The following ITGA5 variants were observed in gnomAD, a reference collection of about 807,000 sequenced individuals.
ITGA5 encodes the protein integrin subunit alpha 5, also known as integrin alpha-5.
ITGA5 carries 55 observed loss-of-function variants against 146.3 expected under a neutral mutation model. That is an observed-to-expected ratio of 0.38 (90% CI 0.30 to 0.47). The LOEUF (loss-of-function observed/expected upper bound fraction) is 0.47, where lower values mean the gene tolerates loss of function less well. Among genes scored for constraint, ITGA5 ranks in the 20% least tolerant of loss-of-function variants. The pLI, the probability that ITGA5 is intolerant of heterozygous loss-of-function variation, is 0.99. For synonymous variants in ITGA5, 500 were observed against 531.8 expected, an observed-to-expected ratio of 0.94 and a Z score of 0.82; for missense variants, 1,131 against 1,329.0, an observed-to-expected ratio of 0.85 and a Z score of 2.32.
At chr12:54,398,812 T>A in intron 27 of ITGA5, 114 bp from the exon 28 acceptor site, 1 of 537,194 alleles carries the variant, frequency 1.9e-6, no homozygotes, top group Non-Finnish European at 3.3e-6. Context: ...TCATTCTTCC[T>A]GAGTCTCTCT....
At position 54,401,590 on chromosome 12, in the gene ITGA5, C is replaced by T; in HGVS notation, c.2382G>A (p.Leu794=). ...LSVEAQAQVT[L]NGVSKPEAVL... The stretch of plus-strand genomic sequence containing the variant: ...CCATTTTGCCTGGCACTGACCCGTT[C>T]AGGGTGACCTGGGCCTGAGCCTCCA... Residue 794 remains leucine (L), a synonymous_variant, in exon 23 of 30, where the codon CTG becomes CTA. Transcript: ENST00000293379. This position sits in a 1 kb window ranked among gnomAD's most constrained non-coding sequence, Gnocchi z 5.0. 1 of 1,614,164 alleles carries T rather than the reference C, an allele frequency of 6.2e-7. No homozygotes were observed. The highest frequency in any genetic ancestry group is 8.5e-7 in the Non-Finnish European group (1 of 1,179,980).
rs1955704633 is a variant in ITGA5, at chr12:54,396,078, ATGT to A, written c.*212_*214del. 2.7e-5 allele frequency: 14 copies of A among 521,448 alleles called. No individual in the cohort carries two copies. In the East Asian group the frequency reaches 4.7e-4, roughly 17 times the overall value. 32.3% of individuals were successfully genotyped at this position (521,448 alleles called of 1,614,324 possible). ...GAGTTCCCCCATCCATGAAGAGGGT[ATGT>A]GTAAACAAGGGTCCTTCACAGTGCA... On this transcript the variant is annotated 3_prime_UTR_variant, in exon 30 of 30. Coordinates refer to ENST00000293379, the MANE Select transcript of ITGA5 (RefSeq NM_002205.5).
intron 2 of ITGA5, among the ~76,000 whole-genome samples, chr12:54,410,725 AT>A (rs144213530): frequency 0.011 from 1,430 of 134,958 alleles, 9 homozygotes; most frequent in Non-Finnish European, 0.013. Context: ...TGCCTGGCTA[AT>A]TTTTTTTTTT....
chr12:54,397,162 CAAG>C (rs1955721374), intron 29 of ITGA5, 200 bp downstream of exon 29: 6 of 466,374 alleles, frequency 1.3e-5, no homozygotes, highest in Non-Finnish European at 2.3e-5. Context: ...CATCTTGAGT[CAAG>C]AGGACCCTTT....
chr12:54,404,237 G>C lies in ITGA5; in HGVS notation c.1473C>G (p.Pro491=), dbSNP rs745653256. The change falls in exon 15 of 30, where the codon CCC becomes CCG. Residue 491 remains proline (P), a synonymous_variant. Transcript: ENST00000293379. Reference sequence around the variant, plus strand: ...TGAGGGAGGCACTAGCGGACACGATGGGGCGGCCCCTGCCAAGAGTGAATG... The same window carrying C: ...TGAGGGAGGCACTAGCGGACACGATCGGGCGGCCCCTGCCAAGAGTGAATG... ...VDKAVVYRGR[P]IVSASASLTI... The C allele has an allele frequency of 6.2e-7, 1 of 1,600,646 alleles. No individual in the cohort carries two copies. Among genetic ancestry groups the C allele is most frequent in the Non-Finnish European group, 8.5e-7 (1 of 1,173,390 alleles).
In ITGA5 at chr12:54,402,025, G is replaced by C. The variant is rs1283645105; in HGVS notation, c.2202C>G (p.Gly734=). ...NQSRLLVCDL[G]NPMKAGASLW... ...CACTGGCTCCTGCCTTCATGGGGTT[G>C]CCCAGGTCACACACCAGCAGGCGGC... The change falls in exon 21 of 30, where the codon GGC becomes GGG. Residue 734 remains glycine (G), a synonymous_variant. Coordinates refer to ENST00000293379, the MANE Select transcript of ITGA5 (RefSeq NM_002205.5). 2.5e-6 allele frequency: 4 copies of C among 1,614,054 alleles called. No individual in the cohort carries two copies. The African/African-American group carries it at 4.0e-5, about 16-fold the overall frequency.
chr12:54,399,377 T>TA (rs1955758063), intron 27 of ITGA5, among the ~76,000 whole-genome samples: 1 of 152,206 alleles, frequency 6.6e-6, no homozygotes, highest in Admixed American at 6.5e-5. Flanking sequence ...TCTTCCATCT[T>TA]ACTGTTTTTC....
chr12:54,408,982 A>G, intron 4 of ITGA5, 28 bp from the exon 5 acceptor site: 1 of 1,607,372 alleles, frequency 6.2e-7, no homozygotes, highest in East Asian at 2.2e-5. Context: ...GGTGAAAATG[A>G]GCCCTGCATA....
chr12:54,418,879 C>T (rs1592296587), intron 1 of ITGA5, 102 bp downstream of exon 1: 1 of 1,357,450 alleles, frequency 7.4e-7, no homozygotes, highest in Non-Finnish European at 1.0e-6. Flanking sequence ...TTACAAACTC[C>T]ACCCTCAAAC....
chr12:54,419,230 G>A lies in ITGA5; in HGVS notation c.-32C>T. The A allele has an allele frequency of 6.5e-7, 1 of 1,547,286 alleles. No homozygotes were observed. Among genetic ancestry groups the A allele is most frequent in the Non-Finnish European group, 8.7e-7 (1 of 1,146,592 alleles). ...CGCTCTTCCCTGTCCTGGGGCCACC[G>A]ACCCGGAGCCGCTTCCTAAACCTCC... On this transcript the variant is annotated 5_prime_UTR_variant, in exon 1 of 30. Coordinates refer to ENST00000293379, the MANE Select transcript of ITGA5 (RefSeq NM_002205.5).
chr12:54,408,497 AG>A (rs1304656013), intron 6 of ITGA5, among the ~76,000 whole-genome samples: 4 of 151,990 alleles, frequency 2.6e-5, no homozygotes, highest in Admixed American at 6.6e-5. Flanking sequence ...AGAGGCCAAG[AG>A]GGGTGGATCA....
At position 54,411,970 on chromosome 12, in the gene ITGA5, G is replaced by C. The variant is rs762895058; in HGVS notation, c.219-6C>G. On this transcript the variant is annotated splice_polypyrimidine_tract_variant and splice_region_variant and intron_variant, in intron 1 of 29. Coordinates refer to ENST00000293379, the MANE Select transcript of ITGA5 (RefSeq NM_002205.5). ...CTCCCACCAGCACACTGACCCTGTGGGGGGGAAAAGCGAGGCAGTTGAGGA... is the reference window on the plus strand; with the variant it reads ...CTCCCACCAGCACACTGACCCTGTGCGGGGGAAAAGCGAGGCAGTTGAGGA... 7.0e-6 allele frequency: 11 copies of C among 1,563,540 alleles called. No individual in the cohort carries two copies. Among genetic ancestry groups the C allele is most frequent in the South Asian group, 3.6e-5 (3 of 84,138 alleles).
rs778175632 is a variant in ITGA5, at chr12:54,396,311, T to C, written c.3132A>G (p.Pro1044=). The C allele has an allele frequency of 3.1e-6, 5 of 1,613,938 alleles. No homozygotes were observed. In the South Asian group the frequency reaches 5.5e-5, roughly 18 times the overall value. Residue 1044 remains proline, a synonymous_variant, in exon 30 of 30, where the codon CCA becomes CCG. Transcript: ENST00000293379. ...TAMEKAQLKP[P]ATSDA ...GGAGGACTCAGGCATCAGAGGTGGC[T>C]GGAGGCTTGAGCTGAGCTTTTTCCA... is the stretch of plus-strand genomic sequence containing the variant.
chr12:54,414,715 C>T (rs747062179), intron 1 of ITGA5, among the ~76,000 whole-genome samples: 26 of 150,848 alleles, frequency 1.7e-4, no homozygotes, highest in Non-Finnish European at 1.2e-4. Context: ...GGCGTGGTGG[C>T]GGGCGCTTGT....
At position 54,403,133 on chromosome 12, in the gene ITGA5, C is replaced by T; in HGVS notation, c.1914+54G>A. On this transcript the variant is annotated intron_variant, in intron 18 of 29. Coordinates refer to ENST00000293379, the MANE Select transcript of ITGA5 (RefSeq NM_002205.5). This position sits in a 1 kb window ranked among gnomAD's most constrained non-coding sequence, Gnocchi z 4.9. ...TCTTCTCTTTCCATGGCCCTGCCCCCCCAATACCCAGGCCTCTGTCTTCCC... is the reference window on the plus strand; with the variant it reads ...TCTTCTCTTTCCATGGCCCTGCCCCTCCAATACCCAGGCCTCTGTCTTCCC... 57 of 1,596,978 alleles carry T rather than the reference C, an allele frequency of 3.6e-5. No individual in the cohort carries two copies. The highest frequency in any genetic ancestry group is 4.9e-5 in the Non-Finnish European group (57 of 1,171,698).
At chr12:54,404,539 C>T in intron 13 of ITGA5, 64 bp from the exon 14 acceptor site, 2 of 1,589,784 alleles carry the variant, frequency 1.3e-6, no homozygotes, top group African/African-American at 1.3e-5. Flanking sequence ...TCTTCCTAAC[C>T]CCTCCTGGTT....
At chr12:54,400,023 A>G in intron 25 of ITGA5, 76 bp from the exon 26 acceptor site, 1 of 972,488 alleles carries the variant, frequency 1.0e-6, no homozygotes. Context: ...GTTCCAGAGC[A>G]GCTTCAACCT....
intron 9 of ITGA5, among the ~76,000 whole-genome samples, chr12:54,406,441 G>A (rs1319014410): frequency 6.6e-6 from 1 of 152,112 alleles, no homozygotes; most frequent in African/African-American, 2.4e-5. Context: ...CCTGGTGTGA[G>A]CCCTTTCCCA....
chr12:54,415,108 A>G (rs1000676153), intron 1 of ITGA5, among the ~76,000 whole-genome samples: 2 of 152,206 alleles, frequency 1.3e-5, no homozygotes, highest in African/African-American at 4.8e-5. Context: ...AGATTGCGCC[A>G]TTGCATCCCA....
Sources: gnomAD v4.1 joint callset for allele counts (sites outside exome capture counted in the v4.1 genomes callset) on GRCh38, gnomAD v4.1.1 for gene constraint, Gnocchi (gnomAD v3.1) non-coding constraint, MANE v1.5 for transcripts, NCBI Gene and HGNC (gene_info 2026-07-23, HGNC 2026-07-21) for gene names.